Variants in AFF1 observed in about 807,000 individuals in gnomAD.
AFF1 encodes the protein AF4/FMR2 family member 1.
Under a neutral mutation model 121.7 loss-of-function variants are expected in AFF1, and 48 were observed. The ratio of observed to expected loss-of-function variants is 0.39; its 90% CI spans 0.31 to 0.50. The LOEUF (loss-of-function observed/expected upper bound fraction) is 0.50. AFF1 is among the 20% of genes least tolerant of loss of function. The pLI, the probability that AFF1 is intolerant of heterozygous loss-of-function variation, is 0.76. For synonymous variants in AFF1, 613 were observed against 563.0 expected, an observed-to-expected ratio of 1.09 and a Z score of -1.26; for missense variants, 1,523 against 1,511.7, an observed-to-expected ratio of 1.01 and a Z score of -0.12.
intron 4 of AFF1, among the ~76,000 whole-genome samples, chr4:87,077,292 GTTTTGT>G (rs1305022543): frequency 7.8e-5 from 4 of 51,360 alleles, no homozygotes; most frequent in Non-Finnish European, 3.8e-5. Context: ...AATCTGTTTT[GTTTTGT>G]TTTTTTTACA....
At chr4:86,966,044 A>G (rs1420653575) in intron 2 of AFF1, among the ~76,000 whole-genome samples, 1 of 150,438 alleles carries the variant, frequency 6.6e-6, no homozygotes, top group Non-Finnish European at 1.5e-5. Context: ...CCAGGGTGGT[A>G]GTTAGTTTCT....
intron 2 of AFF1, among the ~76,000 whole-genome samples, chr4:87,001,236 G>A (rs1202337516): frequency 2.6e-4 from 2 of 7,706 alleles, no homozygotes; most frequent in Non-Finnish European, 9.2e-4. Context: ...TTTTTTTTTG[G>A]TGACGGCGTC....
chr4:87,126,434 G>A, intron 14 of AFF1, 98 bp downstream of exon 14: 2 of 1,150,860 alleles, frequency 1.7e-6, no homozygotes, highest in Non-Finnish European at 2.5e-6. Context: ...CTTCAGAACT[G>A]TCCATTGCTT....
At position 87,132,301 on chromosome 4, in the gene AFF1, G is replaced by A. The variant is rs148179086; in HGVS notation, c.3204G>A (p.Ala1068=). ...CMRCQSILNM[A]MFRCKKDIAI... is the part of the protein sequence containing the mutation. Reference sequence around the variant, plus strand: ...GTTGCCAGTCCATTTTGAACATGGCGATGTTTCGTTGTAAAAAAGACATAG... The same window carrying A: ...GTTGCCAGTCCATTTTGAACATGGCAATGTTTCGTTGTAAAAAAGACATAG... Residue 1068 remains alanine, a synonymous_variant, in exon 19 of 21, where the codon GCG becomes GCA. Coordinates refer to ENST00000395146, the MANE Select transcript of AFF1 (RefSeq NM_001166693.3). The A allele has an allele frequency of 2.5e-6, 4 of 1,612,876 alleles. No individual in the cohort carries two copies. The highest frequency in any genetic ancestry group is 3.4e-6 in the Non-Finnish European group (4 of 1,179,560).
chr4:87,046,903 T>A lies in AFF1; in HGVS notation c.368T>A (p.Ile123Asn). 1 of 1,614,200 alleles carries A rather than the reference T, an allele frequency of 6.2e-7. No homozygotes were observed. Among genetic ancestry groups the A allele is most frequent in the Non-Finnish European group, 8.5e-7 (1 of 1,180,028 alleles). The change falls in exon 4 of 21, where the codon ATT (isoleucine) becomes AAT (asparagine). Residue 123 changes from isoleucine (I) to asparagine (N), a missense_variant. By Grantham distance (149) the Ile-to-Asn change is moderately radical (BLOSUM62 -3). Transcript: ENST00000395146. ...CACACTAGTGTCCACCACCAGTCCA[T>A]TCACACTCCTGCGTCTGGACCACTT... ...SFHTSVHHQS[I>N]HTPASGPLSV...
intron 1 of AFF1, among the ~76,000 whole-genome samples, chr4:86,939,647 A>T (rs886862974): frequency 1.3e-5 from 2 of 152,212 alleles, no homozygotes; most frequent in African/African-American, 4.8e-5. Flanking sequence ...CAGTTCATAA[A>T]TTTTTTAGAG....
chr4:87,132,333 A>C lies in AFF1; in HGVS notation c.3236A>C (p.Lys1079Thr). Residue 1079 changes from lysine to threonine, a missense_variant, in exon 19 of 21, where the codon AAG becomes ACG. This residue lies in a region of AFF1 where 241 missense variants were observed against 265.2 expected (regional missense o/e 0.91). Coordinates refer to ENST00000395146, the MANE Select transcript of AFF1 (RefSeq NM_001166693.3). ...CGTTGTAAAAAAGACATAGCAATAA[A>C]GTATTCTCGTACTCTTAATAAACAC... is the stretch of plus-strand genomic sequence containing the variant. ...MFRCKKDIAI[K>T]YSRTLNKHFE... The C allele has an allele frequency of 1.2e-6, 2 of 1,613,492 alleles. No individual in the cohort carries two copies. Among genetic ancestry groups the C allele is most frequent in the Non-Finnish European group, 1.7e-6 (2 of 1,179,826 alleles).
Position 86,945,497 on chromosome 4 carries a change from A to ATTT in AFF1, c.-36-2979_-36-2977dup, listed in dbSNP as rs34305215. Among the ~76,000 whole-genome samples the ATTT allele has an allele frequency of 8.2e-3, 711 of 86,588 alleles. 39 individuals are homozygous for ATTT. The highest frequency in any genetic ancestry group is 0.033 in the African/African-American group (627 of 19,144). 56.8% of individuals were successfully genotyped at this position (86,588 alleles called of 152,430 possible). A position where few individuals can be genotyped will look rare whatever the true frequency, so the allele number is the denominator to read the frequency against. On this transcript the variant is annotated intron_variant, in intron 1 of 20. Coordinates refer to ENST00000395146, the MANE Select transcript of AFF1 (RefSeq NM_001166693.3). ...GTGCCACCTTGCCCAGCCTTTCCCA[A>ATTT]TTTTTTTTTTTTTTTTTTTTTTTTA... is the stretch of plus-strand genomic sequence containing the variant.
rs114991520 is a variant in AFF1, at chr4:87,089,696, G to A, written c.1105-288G>A. ...CACAAGCTCTGGCAGTACCTGTTAC[G>A]TACAGTTTATGTGCTTGATAATATT... is the stretch of plus-strand genomic sequence containing the variant. On this transcript the variant is annotated intron_variant, in intron 5 of 20. Coordinates refer to ENST00000395146, the MANE Select transcript of AFF1 (RefSeq NM_001166693.3). Among the ~76,000 whole-genome samples, 318 of 152,282 alleles carry A rather than the reference G, an allele frequency of 2.1e-3. 5 individuals are homozygous for A. The highest frequency in any genetic ancestry group is 6.5e-3 in the African/African-American group (270 of 41,570).
chr4:87,118,101 A>G (rs891329384), intron 12 of AFF1, among the ~76,000 whole-genome samples: 2 of 152,236 alleles, frequency 1.3e-5, no homozygotes, highest in African/African-American at 2.4e-5. Flanking sequence ...GATCCTTCAC[A>G]TTAGTGGTAT....
chr4:87,006,029 C>T (rs1440072241), intron 2 of AFF1, among the ~76,000 whole-genome samples: 2 of 152,350 alleles, frequency 1.3e-5, no homozygotes, highest in East Asian at 3.9e-4. Flanking sequence ...AGTAAACACA[C>T]TTTGAGAACC....
At chr4:86,990,941 C>T (rs1470225397) in intron 2 of AFF1, among the ~76,000 whole-genome samples, 2 of 149,512 alleles carry the variant, frequency 1.3e-5, no homozygotes, top group Non-Finnish European at 3.0e-5. Flanking sequence ...CACCTGAGGT[C>T]AGGAGTTCGA....
chr4:86,946,075 T>A (rs1350137929), intron 1 of AFF1, among the ~76,000 whole-genome samples: 1 of 152,176 alleles, frequency 6.6e-6, no homozygotes, highest in Non-Finnish European at 1.5e-5. Flanking sequence ...TCTGTAGTGC[T>A]CCTGAGCGGT....
intron 4 of AFF1, among the ~76,000 whole-genome samples, chr4:87,077,895 C>G (rs1291748860): frequency 6.6e-6 from 1 of 152,186 alleles, no homozygotes; most frequent in African/African-American, 2.4e-5. Context: ...CCTGTAGATA[C>G]ACATTTAGAT....
Position 87,115,127 on chromosome 4 carries a change from C to A in AFF1, c.2294C>A (p.Pro765Gln). ...TCACCGCTCAGGGACACTCCTCCCC[C>A]ACAAAGCTTGATGGTGAAGATCACC... is the stretch of plus-strand genomic sequence containing the variant. ...LLSPLRDTPP[P>Q]QSLMVKITLD... Residue 765 changes from proline (P) to glutamine (Q), a missense_variant, in exon 12 of 21, where the codon CCA becomes CAA. By Grantham distance (76) the Pro-to-Gln change is moderately conservative. This residue lies in a region of AFF1 where 905 missense variants were observed against 842.5 expected (regional missense o/e 1.07). Coordinates refer to ENST00000395146, the MANE Select transcript of AFF1 (RefSeq NM_001166693.3). The A allele has an allele frequency of 2.5e-6, 4 of 1,614,164 alleles. No individual in the cohort carries two copies. The South Asian group carries it at 3.3e-5, about 13-fold the overall frequency.
In AFF1 at chr4:87,108,333, G is replaced by A; in HGVS notation, c.1533+18G>A. Reference sequence around the variant, plus strand: ...CTCCGGAGGTACCGTGTTCCCCCTCGAGATGGCCACCTTAGATGGCAGCAT... The same window carrying A: ...CTCCGGAGGTACCGTGTTCCCCCTCAAGATGGCCACCTTAGATGGCAGCAT... On this transcript the variant is annotated intron_variant, in intron 11 of 20. Transcript: ENST00000395146. 5 of 1,609,188 alleles carry A rather than the reference G, an allele frequency of 3.1e-6. No homozygotes were observed. The highest frequency in any genetic ancestry group is 1.3e-5 in the African/African-American group (1 of 74,964).
intron 8 of AFF1, among the ~76,000 whole-genome samples, chr4:87,101,427 A>T (rs1348834733): frequency 2.0e-5 from 3 of 152,132 alleles, no homozygotes; most frequent in African/African-American, 7.2e-5. Context: ...TTCTTTAAAA[A>T]ATTGCCAAGC....
At chr4:87,054,903 G>C (rs443459) in intron 4 of AFF1, among the ~76,000 whole-genome samples, 1 of 151,888 alleles carries the variant, frequency 6.6e-6, no homozygotes, top group Admixed American at 6.6e-5. Flanking sequence ...TCTCCCTACC[G>C]CCCCCCACAC....
intron 2 of AFF1, among the ~76,000 whole-genome samples, chr4:86,984,109 T>C (rs553993410): frequency 1.3e-5 from 2 of 152,324 alleles, no homozygotes; most frequent in African/African-American, 4.8e-5. Context: ...CTACTAAATA[T>C]TACTTTTTTC....
Sources: gnomAD v4.1 joint callset for allele counts (sites outside exome capture counted in the v4.1 genomes callset) on GRCh38, gnomAD v4.1.1 for gene constraint, gnomAD v4.1.1 regional missense constraint, MANE v1.5 for transcripts, NCBI Gene and HGNC (gene_info 2026-07-23, HGNC 2026-07-21) for gene names.